CPNE4: variants seen among roughly 807,000 people sequenced by gnomAD.
CPNE4 encodes copine-4.
In CPNE4, 25 loss-of-function variants were observed where a neutral mutation model predicts 67.9. That is an observed-to-expected ratio of 0.37 (90% CI 0.27 to 0.51). CPNE4 has a LOEUF of 0.51. CPNE4 is among the 20% of genes least tolerant of loss of function. CPNE4 has a pLI of 0.93. For missense variants in CPNE4, 464 were observed against 690.8 expected (o/e 0.67, Z 3.68); for synonymous variants, 242 against 244.9 (o/e 0.99, Z 0.11).
At chr3:131,810,757 A>T (rs2084493701) in intron 2 of CPNE4, among the ~76,000 whole-genome samples, 1 of 152,158 alleles carries the variant, frequency 6.6e-6, no homozygotes, top group Non-Finnish European at 1.5e-5. Context: ...AGCATTGTTC[A>T]CAGTAGCCAA....
chr3:131,591,619 G>C (rs1320342900), intron 7 of CPNE4, among the ~76,000 whole-genome samples: 6 of 152,208 alleles, frequency 3.9e-5, no homozygotes, highest in African/African-American at 1.4e-4. Context: ...CCTCTCAGCA[G>C]CAGGCAGTGC....
upstream of CPNE4, chr3:132,037,446 T>C (rs2074359705): frequency 1.3e-6 from 1 of 797,970 alleles, no homozygotes; most frequent in South Asian, 1.5e-5. Flanking sequence ...TGAAGATTTG[T>C]AACCAGCTAA....
intron 1 of CPNE4, among the ~76,000 whole-genome samples, chr3:131,982,525 A>G (rs941341339): frequency 6.6e-6 from 1 of 152,224 alleles, no homozygotes; most frequent in Non-Finnish European, 1.5e-5. Context: ...CTGAGTTATT[A>G]TAAACAATTT....
intron 1 of CPNE4, among the ~76,000 whole-genome samples, chr3:132,019,312 T>TA (rs969595982): frequency 4.2e-4 from 62 of 148,996 alleles, no homozygotes; most frequent in South Asian, 1.1e-3. Context: ...CATTTCTTAT[T>TA]AAAAAAAAAA....
chr3:131,755,196 A>AT (rs2082723197), intron 2 of CPNE4, among the ~76,000 whole-genome samples: 1 of 149,694 alleles, frequency 6.7e-6, no homozygotes, highest in Non-Finnish European at 1.5e-5. Context: ...TGGAATAGGT[A>AT]ATTTTTTTTT....
At chr3:131,712,695 T>C (rs1239242399) in intron 3 of CPNE4, among the ~76,000 whole-genome samples, 2 of 152,238 alleles carry the variant, frequency 1.3e-5, no homozygotes, top group Non-Finnish European at 2.9e-5. Context: ...ATACTATGAA[T>C]TCAGTTTATA....
chr3:131,555,632 A>C lies in CPNE4; in HGVS notation c.1062-81T>G, dbSNP rs146317922. ...ATGAGAAAGAAAAACATTAACCTAC[A>C]TTACTAGGTTGCTAGGCCATGTTGC... On this transcript the variant is annotated intron_variant, in intron 11 of 15. Coordinates refer to ENST00000429747, the MANE Select transcript of CPNE4 (RefSeq NM_130808.3). 11 of 1,212,704 alleles carry C rather than the reference A, an allele frequency of 9.1e-6. No homozygotes were observed. In the African/African-American group the frequency reaches 1.6e-4, roughly 18 times the overall value. 75.1% of individuals were successfully genotyped at this position (1,212,704 alleles called of 1,614,324 possible). A position where few individuals can be genotyped will look rare whatever the true frequency, so the allele number is the denominator to read the frequency against.
chr3:131,804,028 TAG>T, intron 2 of CPNE4, among the ~76,000 whole-genome samples: 1 of 152,230 alleles, frequency 6.6e-6, no homozygotes, highest in Admixed American at 6.5e-5. Context: ...TATAAATATC[TAG>T]AGTCAATTAG....
chr3:131,669,101 G>A (rs867365612), intron 7 of CPNE4, among the ~76,000 whole-genome samples: 2 of 152,092 alleles, frequency 1.3e-5, no homozygotes, highest in South Asian at 4.1e-4. Flanking sequence ...GTTAGTCCAA[G>A]CTGGCCTGGG....
chr3:131,564,164 T>C, intron 11 of CPNE4, 52 bp downstream of exon 11: 2 of 1,608,172 alleles, frequency 1.2e-6, no homozygotes, highest in South Asian at 1.1e-5. Context: ...CCAAAGACCG[T>C]CTGAACCCAC....
chr3:131,631,782 G>A (rs981549320), intron 7 of CPNE4, among the ~76,000 whole-genome samples: 3 of 151,950 alleles, frequency 2.0e-5, no homozygotes, highest in Admixed American at 2.0e-4. Flanking sequence ...GAGAGAAACT[G>A]GAGATGAATG....
intron 5 of CPNE4, among the ~76,000 whole-genome samples, chr3:131,695,652 G>C (rs2081137016): frequency 6.6e-6 from 1 of 152,160 alleles, no homozygotes; most frequent in African/African-American, 2.4e-5. Flanking sequence ...GTTGTGAAAA[G>C]GTGAAGTTAA....
At chr3:131,589,248 G>C (rs1938383925) in intron 7 of CPNE4, among the ~76,000 whole-genome samples, 2 of 152,156 alleles carry the variant, frequency 1.3e-5, no homozygotes, top group African/African-American at 2.4e-5. Context: ...CACAGTGCAG[G>C]CTTCAGTCTG....
rs759507626 is a variant in CPNE4, at chr3:131,535,317, C to A, written c.1552G>T (p.Ala518Ser). Residue 518 changes from alanine to serine, a missense_variant, in exon 16 of 16, where the codon GCC becomes TCC. By Grantham distance (99) the Ala-to-Ser change is moderately conservative. This residue lies in a region of CPNE4 where 201 missense variants were observed against 357.7 expected (regional missense o/e 0.56). Coordinates refer to ENST00000429747, the MANE Select transcript of CPNE4 (RefSeq NM_130808.3). ...TCAGCCAGCACGCTCTTTGCCAGGG[C>A]AGCTGGAGATGCCTGCAGGGAAGAA... Reference protein sequence around the residue: ...FRNFKHASPAALAKSVLAEVP... With the variant: ...FRNFKHASPASLAKSVLAEVP... 1 of 1,613,198 alleles carries A rather than the reference C, an allele frequency of 6.2e-7. No individual in the cohort carries two copies. The highest frequency in any genetic ancestry group is 8.5e-7 in the Non-Finnish European group (1 of 1,179,782).
intron 2 of CPNE4, among the ~76,000 whole-genome samples, chr3:131,779,709 A>T (rs962304565): frequency 6.6e-6 from 1 of 152,092 alleles, no homozygotes; most frequent in Admixed American, 6.6e-5. Flanking sequence ...ACTTAAATGT[A>T]AAAATCTAAA....
rs372262662 is a variant in CPNE4, at chr3:131,612,373, C to CA, written c.682-24792dup. On this transcript the variant is annotated intron_variant, in intron 7 of 15. Transcript: ENST00000429747. Reference sequence around the variant, plus strand: ...TTGGCAACAGAGTGGGACTGTGTGTCAAAAAAAAAATACTAGTGTTTCTTT... The same window carrying CA: ...TTGGCAACAGAGTGGGACTGTGTGTCAAAAAAAAAAATACTAGTGTTTCTTT... 5.9e-3 allele frequency among the ~76,000 whole-genome samples: 869 copies of CA among 147,886 alleles called. 11 individuals carry two copies. Among genetic ancestry groups the CA allele is most frequent in the African/African-American group, 0.014 (581 of 40,350 alleles).
upstream of CPNE4, chr3:132,035,206 T>A: frequency 4.8e-6 from 1 of 207,584 alleles, no homozygotes; most frequent in Non-Finnish European, 8.4e-6. Flanking sequence ...GCTTTGTCGC[T>A]CAACTGAGCT....
intron 1 of CPNE4, among the ~76,000 whole-genome samples, chr3:131,935,956 G>C (rs1188339824): frequency 6.6e-6 from 1 of 151,896 alleles, no homozygotes; most frequent in Non-Finnish European, 1.5e-5. Context: ...AGAAAACCCA[G>C]GAATAACTTA....
chr3:131,996,568 G>A (rs1475667721), intron 1 of CPNE4, among the ~76,000 whole-genome samples: 1 of 151,916 alleles, frequency 6.6e-6, no homozygotes, highest in Non-Finnish European at 1.5e-5. Flanking sequence ...GCCTAGCGGA[G>A]CAGCAGTGAC....
Sources: gnomAD v4.1 joint callset for allele counts (sites outside exome capture counted in the v4.1 genomes callset) on GRCh38, gnomAD v4.1.1 for gene constraint, gnomAD v4.1.1 regional missense constraint, MANE v1.5 for transcripts, NCBI Gene and HGNC (gene_info 2026-07-23, HGNC 2026-07-21) for gene names.